Variants in TTBK2 observed in about 807,000 individuals in gnomAD.
The protein encoded by TTBK2 is tau tubulin kinase 2.
TTBK2 carries 28 observed loss-of-function variants against 110.8 expected under a neutral mutation model. That is an observed-to-expected ratio of 0.25 (90% CI 0.19 to 0.35). The LOEUF (loss-of-function observed/expected upper bound fraction) is 0.35. Ranked by LOEUF, TTBK2 falls within the 10% of genes least tolerant of loss-of-function variation. TTBK2 has a pLI of 1.00. For missense variants in TTBK2, 1,369 were observed against 1,500.3 expected (o/e 0.91, Z 1.45); for synonymous variants, 532 against 527.3 (o/e 1.01, Z -0.12).
chr15:42,893,435 C>G (rs576623674), intron 1 of TTBK2, among the ~76,000 whole-genome samples: 18 of 152,060 alleles, frequency 1.2e-4, no homozygotes, highest in African/African-American at 4.1e-4. Context: ...GGTTGAGGCT[C>G]CAATGAGGTA....
intron 7 of TTBK2, among the ~76,000 whole-genome samples, chr15:42,815,884 A>T (rs1891923480): frequency 9.3e-6 from 1 of 107,586 alleles, no homozygotes; most frequent in Non-Finnish European, 1.7e-5. Flanking sequence ...AAATATATAT[A>T]TATTTAAAAA....
chr15:42,789,104 A>G (rs1253456340), intron 10 of TTBK2, among the ~76,000 whole-genome samples: 1 of 152,146 alleles, frequency 6.6e-6, no homozygotes, highest in Non-Finnish European at 1.5e-5. Context: ...TGAAAATACA[A>G]TTTTATAAAG....
At chr15:42,813,412 T>C (rs60832391) in intron 7 of TTBK2, among the ~76,000 whole-genome samples, 9,842 of 151,914 alleles carry the variant, frequency 0.065, 922 homozygotes, top group African/African-American at 0.2. Context: ...GTCCCAGCTA[T>C]GCAGGAGGCT....
At chr15:42,874,792 C>G (rs1237259409) in intron 2 of TTBK2, among the ~76,000 whole-genome samples, 3 of 151,032 alleles carry the variant, frequency 2.0e-5, no homozygotes, top group Non-Finnish European at 4.4e-5. Flanking sequence ...TTGAGAGCAG[C>G]CTGACCAACA....
chr15:42,919,861 C>A, intron 1 of TTBK2: 1 of 982,076 alleles, frequency 1.0e-6, no homozygotes, highest in South Asian at 4.7e-5. Context: ...AGAACATATA[C>A]GTGAGTCTTT....
intron 13 of TTBK2, among the ~76,000 whole-genome samples, chr15:42,764,860 C>A (rs562947907): frequency 6.6e-6 from 1 of 152,382 alleles, no homozygotes; most frequent in South Asian, 2.1e-4. Context: ...CCAGTAGGGG[C>A]TGAGTGTCAC....
chr15:42,870,060 G>C (rs1414639800), intron 3 of TTBK2, among the ~76,000 whole-genome samples: 1 of 152,046 alleles, frequency 6.6e-6, no homozygotes, highest in Non-Finnish European at 1.5e-5. Flanking sequence ...CGTAGTCCCA[G>C]CTACTTGGGA....
At chr15:42,814,297 G>A (rs1891850559) in intron 7 of TTBK2, among the ~76,000 whole-genome samples, 1 of 152,120 alleles carries the variant, frequency 6.6e-6, no homozygotes, top group African/African-American at 2.4e-5. Flanking sequence ...TTTAAGATTT[G>A]GCAAGGCATG....
At chr15:42,763,389 T>C (rs1889197258) in intron 13 of TTBK2, among the ~76,000 whole-genome samples, 2 of 149,320 alleles carry the variant, frequency 1.3e-5, no homozygotes, top group Non-Finnish European at 3.0e-5. Flanking sequence ...AATTTTTGTG[T>C]TTTTAGTAGA....
rs55833708 is a variant in TTBK2, at chr15:42,752,061, G to A, written c.3185C>T (p.Thr1062Ile). ...KIPRPVSWVN[T>I]DQVNSSTSSQ... ...CGAAGTTGAGCTATTGACCTGATCT[G>A]TGTTGACCCATGAAACTGGCCTTGG... is the stretch of plus-strand genomic sequence containing the variant. Residue 1062 changes from threonine to isoleucine, a missense_variant, in exon 14 of 15, where the codon ACA becomes ATA. Thr to Ile is a moderately conservative substitution (Grantham distance 89). This residue lies in a region of TTBK2 where 1,097 missense variants were observed against 1,114.7 expected (regional missense o/e 0.98). Coordinates refer to ENST00000267890, the MANE Select transcript of TTBK2 (RefSeq NM_173500.4). 2.7e-3 allele frequency: 4,308 copies of A among 1,614,234 alleles called. 20 individuals carry two copies. The highest frequency in any genetic ancestry group is 0.01 in the South Asian group (917 of 91,088).
Position 42,819,348 on chromosome 15 carries a change from C to CA in TTBK2, c.538-2252dup, listed in dbSNP as rs199603804. ...CAGGCAACAGAGTGAGACTCTGTCT[C>CA]AAAAAAAAAAAAAAAGTCCTTACCA... On this transcript the variant is annotated intron_variant, in intron 6 of 14. Coordinates refer to ENST00000267890, the MANE Select transcript of TTBK2 (RefSeq NM_173500.4). 9.4e-3 allele frequency among the ~76,000 whole-genome samples: 920 copies of CA among 97,920 alleles called. 6 individuals are homozygous for CA. Among genetic ancestry groups the CA allele is most frequent in the East Asian group, 0.026 (93 of 3,548 alleles). The allele number at this position is 97,920 out of a possible 152,430, so 64.2% of individuals were successfully genotyped here.
At chr15:42,904,955 T>C (rs1465528744) in intron 1 of TTBK2, among the ~76,000 whole-genome samples, 1 of 151,852 alleles carries the variant, frequency 6.6e-6, no homozygotes, top group Non-Finnish European at 1.5e-5. Flanking sequence ...CACTGCAACC[T>C]CAGCCTTCTG....
intron 7 of TTBK2, among the ~76,000 whole-genome samples, chr15:42,816,085 A>AATATATATATATATATATATATATAT (rs71431870): frequency 1.5e-5 from 1 of 67,470 alleles, no homozygotes; most frequent in Non-Finnish European, 2.4e-5. Context: ...TAAATAAATA[A>AATATATATATATATATATATATATAT]ATATATATAT....
chr15:42,790,155 T>C (rs1009080374), intron 10 of TTBK2, among the ~76,000 whole-genome samples: 1 of 152,226 alleles, frequency 6.6e-6, no homozygotes, highest in Non-Finnish European at 1.5e-5. Flanking sequence ...GACCTATATG[T>C]TAAGACCTGA....
intron 9 of TTBK2, chr15:42,801,993 G>C (rs138974989): frequency 7.9e-6 from 12 of 1,523,254 alleles, no homozygotes; most frequent in East Asian, 2.2e-5. Flanking sequence ...TGTAGCTCTC[G>C]AACATGTTGT....
intron 7 of TTBK2, among the ~76,000 whole-genome samples, chr15:42,815,291 T>C (rs935561421): frequency 3.9e-5 from 6 of 152,146 alleles, no homozygotes; most frequent in Non-Finnish European, 5.9e-5. Flanking sequence ...ATAGCTTTAC[T>C]ATTTTCAATT....
intron 1 of TTBK2, 26 bp from the exon 2 acceptor site, chr15:42,878,710 T>C: frequency 1.9e-6 from 3 of 1,603,428 alleles, no homozygotes; most frequent in Admixed American, 3.4e-5. Context: ...CAAAAAATAG[T>C]AGCAGTATTT....
rs72209007 is a variant in TTBK2, at chr15:42,773,439, TAAAG to T, written c.1998+1692_1998+1695del. The stretch of plus-strand genomic sequence containing the variant: ...GCAACAGAGTGAGACTGTGTCTCAG[TAAAG>T]AAAGAAAGAAAGAAAGAAAGAAAGA... On this transcript the variant is annotated intron_variant, in intron 13 of 14. Transcript: ENST00000267890. Among the ~76,000 whole-genome samples, 904 of 149,560 alleles carry T rather than the reference TAAAG, an allele frequency of 6.0e-3. 7 individuals carry two copies. Among genetic ancestry groups the T allele is most frequent in the African/African-American group, 0.021 (836 of 40,508 alleles).
In TTBK2 at chr15:42,746,378, C is replaced by G. The variant is rs2061795703; in HGVS notation, c.3273-121G>C. 3 of 770,060 alleles carry G rather than the reference C, an allele frequency of 3.9e-6. No individual in the cohort carries two copies. The African/African-American group carries it at 5.2e-5, about 13-fold the overall frequency. 47.7% of individuals were successfully genotyped at this position (770,060 alleles called of 1,614,324 possible). On this transcript the variant is annotated intron_variant, in intron 14 of 14. Coordinates refer to ENST00000267890, the MANE Select transcript of TTBK2 (RefSeq NM_173500.4). ...AATCAGAAAATAGACTAACAGGATACAGGGTTACTCTGTCATATACTAGTT... is the reference window on the plus strand; with the variant it reads ...AATCAGAAAATAGACTAACAGGATAGAGGGTTACTCTGTCATATACTAGTT...
Sources: allele counts gnomAD v4.1 joint callset (sites outside exome capture counted in the v4.1 genomes callset), GRCh38; gene constraint gnomAD v4.1.1; regional missense constraint gnomAD v4.1.1; transcripts MANE v1.5; gene names NCBI Gene and HGNC (gene_info 2026-07-23, HGNC 2026-07-21).